The following INTS15 variants were observed in gnomAD, a reference collection of about 807,000 sequenced individuals.
INTS15 encodes the protein uncharacterized protein C7orf26.
At chr7:6,608,703 C>A in the INTS15 span, 1 of 182,604 alleles carries the variant, frequency 5.5e-6, no homozygotes, top group Non-Finnish European at 1.0e-5. Flanking sequence ...TTCATATGTT[C>A]AAATAAATTT....
the INTS15 span, chr7:6,608,174 G>T: frequency 6.4e-7 from 1 of 1,551,806 alleles, no homozygotes; most frequent in Admixed American, 1.9e-5. Context: ...TGGCCCGTGT[G>T]TGCCTTCTGC....
At chr7:6,594,134 AAGT>A in the INTS15 span, among the ~76,000 whole-genome samples, 1 of 146,484 alleles carries the variant, frequency 6.8e-6, no homozygotes, top group Non-Finnish European at 1.5e-5. Flanking sequence ...TCAGCCTTCC[AAGT>A]AGCTGGGATT....
chr7:6,597,449 C>T, the INTS15 span, among the ~76,000 whole-genome samples: 1 of 152,154 alleles, frequency 6.6e-6, no homozygotes, highest in Non-Finnish European at 1.5e-5. Flanking sequence ...CATGCGCCAC[C>T]ACGCCTGGCT....
At chr7:6,608,106 A>ACCCCGCCC in the INTS15 span, 1 of 1,173,068 alleles carries the variant, frequency 8.5e-7, no homozygotes, top group South Asian at 1.3e-5. Context: ...CTGCCCACGC[A>ACCCCGCCC]TCCCGGCCAC....
the INTS15 span, chr7:6,602,169 C>T: frequency 3.7e-6 from 6 of 1,603,124 alleles, no homozygotes; most frequent in South Asian, 3.3e-5. Flanking sequence ...CCTAGCTGGG[C>T]CAGCTTGCTG....
chr7:6,599,303 C>T, the INTS15 span, among the ~76,000 whole-genome samples: 4 of 152,146 alleles, frequency 2.6e-5, no homozygotes, highest in Non-Finnish European at 4.4e-5. Context: ...GGGATCACAT[C>T]TCTGAGGGTT....
the INTS15 span, among the ~76,000 whole-genome samples, chr7:6,604,862 C>T: frequency 6.6e-6 from 1 of 152,080 alleles, no homozygotes; most frequent in Non-Finnish European, 1.5e-5. Flanking sequence ...CCTGAGGGGG[C>T]GGAAGGGAAC....
At chr7:6,608,104 G>A in the INTS15 span, 14 of 1,031,786 alleles carry the variant, frequency 1.4e-5, 1 homozygote, top group Admixed American at 5.1e-5. Flanking sequence ...CCCTGCCCAC[G>A]CATCCCGGCC....
chr7:6,601,782 G>T, the INTS15 span, among the ~76,000 whole-genome samples: 3 of 151,590 alleles, frequency 2.0e-5, no homozygotes, highest in Non-Finnish European at 4.4e-5. Flanking sequence ...TCAGCCGCCT[G>T]AGTAGCTGGG....
the INTS15 span, among the ~76,000 whole-genome samples, chr7:6,601,013 G>A: frequency 6.6e-6 from 1 of 150,976 alleles, no homozygotes; most frequent in Non-Finnish European, 1.5e-5. Context: ...TGTTGCCCAA[G>A]CTGGAGTGCA....
At chr7:6,602,537 C>G in the INTS15 span, 1 of 391,152 alleles carries the variant, frequency 2.6e-6, no homozygotes, top group Non-Finnish European at 5.3e-6. Flanking sequence ...TCAGGCGGCA[C>G]GGACCTGGGT....
chr7:6,600,269 G>T, the INTS15 span: 1 of 1,614,186 alleles, frequency 6.2e-7, no homozygotes, highest in Non-Finnish European at 8.5e-7. Context: ...CCCCCTCAAC[G>T]CCTCCCAGGA....
the INTS15 span, among the ~76,000 whole-genome samples, chr7:6,595,295 C>T: frequency 3.3e-5 from 5 of 152,158 alleles, no homozygotes; most frequent in East Asian, 1.9e-4. Context: ...CCTGAGTAGT[C>T]GGGACCACAG....
At chr7:6,606,779 C>T in the INTS15 span, among the ~76,000 whole-genome samples, 2 of 151,314 alleles carry the variant, frequency 1.3e-5, no homozygotes. Context: ...GCTCATGGCT[C>T]ACTGCAGCCT....
the INTS15 span, among the ~76,000 whole-genome samples, chr7:6,595,089 A>G: frequency 2.7e-5 from 4 of 150,570 alleles, no homozygotes; most frequent in Non-Finnish European, 5.9e-5. Flanking sequence ...TGGAGTGCAG[A>G]GGCGTGATCC....
the INTS15 span, among the ~76,000 whole-genome samples, chr7:6,593,953 G>T: frequency 0.039 from 5,733 of 145,956 alleles, 331 homozygotes; most frequent in African/African-American, 0.13. Flanking sequence ...GCCCAGCCTG[G>T]TCAGTGAGCT....
chr7:6,595,968 TTG>T, the INTS15 span, among the ~76,000 whole-genome samples: 42 of 152,318 alleles, frequency 2.8e-4, no homozygotes, highest in African/African-American at 9.4e-4. Flanking sequence ...TACCAGCACT[TTG>T]AAAGCCTTCA....
chr7:6,599,175 G>A, the INTS15 span, among the ~76,000 whole-genome samples: 1 of 152,160 alleles, frequency 6.6e-6, no homozygotes, highest in African/African-American at 2.4e-5. Flanking sequence ...GGTGGAGGGA[G>A]GATTAAACGA....
the INTS15 span, among the ~76,000 whole-genome samples, chr7:6,607,177 CTCTT>C: frequency 4.6e-5 from 7 of 152,130 alleles, no homozygotes; most frequent in Non-Finnish European, 7.3e-5. This position sits in a 1 kb window ranked among gnomAD's most constrained non-coding sequence, Gnocchi z 6.0. Flanking sequence ...CCGTGAGAAA[CTCTT>C]TCAGGAGTCT....
Sources: allele counts gnomAD v4.1 joint callset (sites outside exome capture counted in the v4.1 genomes callset), GRCh38; gene constraint gnomAD v4.1.1; non-coding constraint Gnocchi (gnomAD v3.1); transcripts MANE v1.5; gene names NCBI Gene and HGNC (gene_info 2026-07-23, HGNC 2026-07-21).